ZNF362: variants seen among roughly 807,000 people sequenced by gnomAD.
ZNF362 encodes rotund homolog.
In ZNF362, 11 loss-of-function variants were observed where a neutral mutation model predicts 42.9. That is an observed-to-expected ratio of 0.26 (90% CI 0.16 to 0.42). ZNF362 has a LOEUF of 0.42. Ranked by LOEUF, ZNF362 falls within the 20% of genes least tolerant of loss-of-function variation. The pLI, the probability that ZNF362 is intolerant of heterozygous loss-of-function variation, is 1.00. For synonymous variants in ZNF362, 255 were observed against 257.3 expected (o/e 0.99, Z 0.09); for missense variants, 362 against 576.2 (o/e 0.63, Z 3.81).
the ZNF362 span, among the ~76,000 whole-genome samples, chr1:33,171,523 C>A: frequency 3.3e-5 from 5 of 152,278 alleles, no homozygotes; most frequent in East Asian, 9.7e-4. Flanking sequence ...ACCTCCCATG[C>A]AAATCAATGC....
chr1:33,295,315 G>C lies in ZNF362; in HGVS notation c.1146+10G>C, dbSNP rs752595699. ...GCGGGCCTACACCTCGGTGAGTGCC[G>C]GTCGGCCTGTGCCCTGCCCCGGGGG... On this transcript the variant is annotated intron_variant, in intron 8 of 8. Coordinates refer to ENST00000539719, the MANE Select transcript of ZNF362 (RefSeq NM_152493.3). 6.2e-7 allele frequency: 1 copy of C among 1,612,590 alleles called. No homozygotes were observed. Among genetic ancestry groups the C allele is most frequent in the Non-Finnish European group, 8.5e-7 (1 of 1,179,350 alleles).
the ZNF362 span, among the ~76,000 whole-genome samples, chr1:33,183,295 C>A: frequency 6.6e-6 from 1 of 152,200 alleles, no homozygotes; most frequent in Non-Finnish European, 1.5e-5. Context: ...TGGTGTTAAA[C>A]TTTATTGAGG....
chr1:33,254,041 T>G (rs1566230), upstream of ZNF362, among the ~76,000 whole-genome samples: 1 of 152,080 alleles, frequency 6.6e-6, no homozygotes, highest in South Asian at 2.1e-4. Context: ...GTAGATACTT[T>G]CCTTGACACA....
chr1:33,217,402 G>A, the ZNF362 span, among the ~76,000 whole-genome samples: 2 of 152,166 alleles, frequency 1.3e-5, no homozygotes, highest in Non-Finnish European at 2.9e-5. Flanking sequence ...CACACAGAGG[G>A]TGTTAGACCA....
At chr1:33,225,780 CTTG>C in the ZNF362 span, among the ~76,000 whole-genome samples, 2 of 152,196 alleles carry the variant, frequency 1.3e-5, no homozygotes, top group Non-Finnish European at 2.9e-5. Context: ...CTGACATCAA[CTTG>C]TTGTCAATCT....
At chr1:33,267,572 G>A (rs1645873196) in intron 1 of ZNF362, among the ~76,000 whole-genome samples, 1 of 152,018 alleles carries the variant, frequency 6.6e-6, no homozygotes, top group African/African-American at 2.4e-5. Flanking sequence ...TGGGCTTTAG[G>A]GCCTGATTGT....
chr1:33,168,489 T>A, the ZNF362 span, among the ~76,000 whole-genome samples: 1 of 152,314 alleles, frequency 6.6e-6, no homozygotes, highest in Non-Finnish European at 1.5e-5. Context: ...GGACTTGGCA[T>A]TGGGATGAGA....
At chr1:33,147,842 T>C in the ZNF362 span, 1 of 1,151,084 alleles carries the variant, frequency 8.7e-7, no homozygotes, top group Non-Finnish European at 1.2e-6. The surrounding 1 kb of genome is among the most constrained non-coding windows in gnomAD (Gnocchi z 8.1). Context: ...TCTGACCTGC[T>C]GTGTGACCTT....
the ZNF362 span, chr1:33,147,000 A>G: frequency 2.7e-4 from 174 of 639,022 alleles, 1 homozygote; most frequent in South Asian, 3.2e-3. Flanking sequence ...ATGCTGGAAG[A>G]GAGTTTAGGA....
At chr1:33,132,756 T>G in the ZNF362 span, among the ~76,000 whole-genome samples, 158 of 152,350 alleles carry the variant, frequency 1.0e-3, no homozygotes, top group African/African-American at 3.4e-3. Context: ...GGCACGCACT[T>G]GAGTGTCATT....
intron 1 of ZNF362, among the ~76,000 whole-genome samples, chr1:33,265,401 G>C (rs1340086978): frequency 1.3e-5 from 2 of 152,178 alleles, no homozygotes; most frequent in South Asian, 2.1e-4. Flanking sequence ...AACCCCTCCT[G>C]CTCTGATTAG....
intron 1 of ZNF362, among the ~76,000 whole-genome samples, chr1:33,258,937 C>T (rs1464027623): frequency 6.6e-6 from 1 of 152,202 alleles, no homozygotes; most frequent in African/African-American, 2.4e-5. Context: ...AGGCTCCTCG[C>T]CTGGCCTTTT....
the ZNF362 span, among the ~76,000 whole-genome samples, chr1:33,131,960 C>T: frequency 1.3e-5 from 2 of 152,126 alleles, no homozygotes; most frequent in Non-Finnish European, 2.9e-5. Context: ...CAAGGGCCTT[C>T]TGAATCAAGG....
chr1:33,239,071 G>A, the ZNF362 span, among the ~76,000 whole-genome samples: 1 of 152,206 alleles, frequency 6.6e-6, no homozygotes, highest in Non-Finnish European at 1.5e-5. Flanking sequence ...AGTTCTGGGA[G>A]TACCGCTGTG....
chr1:33,154,608 G>C, the ZNF362 span, among the ~76,000 whole-genome samples: 2 of 151,760 alleles, frequency 1.3e-5, no homozygotes, highest in Non-Finnish European at 2.9e-5. Flanking sequence ...GACCACCCTG[G>C]CCAACATGGT....
intron 8 of ZNF362, among the ~76,000 whole-genome samples, chr1:33,297,802 C>T (rs1302225847): frequency 6.6e-6 from 1 of 152,210 alleles, no homozygotes; most frequent in Non-Finnish European, 1.5e-5. Context: ...GCATGAGCCA[C>T]CGTGCCCAGC....
chr1:33,255,573 AG>A (rs1474503185), upstream of ZNF362, among the ~76,000 whole-genome samples: 29 of 152,002 alleles, frequency 1.9e-4, no homozygotes, highest in African/African-American at 6.8e-4. Flanking sequence ...TTGGCTGGGG[AG>A]GGTGAGGCGG....
At chr1:33,231,011 C>T in the ZNF362 span, among the ~76,000 whole-genome samples, 29 of 152,270 alleles carry the variant, frequency 1.9e-4, no homozygotes, top group Non-Finnish European at 3.8e-4. Flanking sequence ...TTTTCACATT[C>T]GTTTTTATGA....
chr1:33,270,463 G>A (rs905167564), intron 1 of ZNF362, 24 bp from the exon 2 acceptor site: 2 of 654,866 alleles, frequency 3.1e-6, no homozygotes, highest in Non-Finnish European at 5.6e-6. Flanking sequence ...TGTTATTATT[G>A]TTATTGTTAT....
Sources: gnomAD v4.1 joint callset for allele counts (sites outside exome capture counted in the v4.1 genomes callset) on GRCh38, gnomAD v4.1.1 for gene constraint, Gnocchi (gnomAD v3.1) non-coding constraint, MANE v1.5 for transcripts, NCBI Gene and HGNC (gene_info 2026-07-23, HGNC 2026-07-21) for gene names.